The following DPP6 variants were observed in gnomAD, a reference collection of about 807,000 sequenced individuals.
DPP6 encodes dipeptidyl peptidase like 6.
A neutral mutation model predicts 122.6 loss-of-function variants in DPP6; 69 were observed. That is an observed-to-expected ratio of 0.56 (90% CI 0.46 to 0.69). The LOEUF (loss-of-function observed/expected upper bound fraction) is 0.69. Ranked by LOEUF, DPP6 falls within the 30% of genes least tolerant of loss-of-function variation. DPP6 has a pLI of 0.00. For synonymous variants in DPP6, 418 were observed against 433.1 expected, an observed-to-expected ratio of 0.97 and a Z score of 0.43; for missense variants, 928 against 1,116.9, an observed-to-expected ratio of 0.83 and a Z score of 2.41.
At chr7:154,053,696 T>A (rs1259593104) in intron 1 of DPP6, among the ~76,000 whole-genome samples, 1 of 152,146 alleles carries the variant, frequency 6.6e-6, no homozygotes, top group African/African-American at 2.4e-5. Flanking sequence ...AGGGCCCAGC[T>A]CTTTTGCTGA....
At chr7:154,249,551 A>G (rs73727906) in intron 1 of DPP6, among the ~76,000 whole-genome samples, 6,426 of 152,186 alleles carry the variant, frequency 0.042, 430 homozygotes, top group African/African-American at 0.14. Flanking sequence ...TATTTTCTTC[A>G]GCTGTTATAA....
intron 1 of DPP6, among the ~76,000 whole-genome samples, chr7:154,262,198 C>CGATGTG (rs1803071254): frequency 6.6e-6 from 1 of 152,106 alleles, no homozygotes; most frequent in African/African-American, 2.4e-5. Flanking sequence ...TAATTTACTG[C>CGATGTG]GATGTGGATG....
chr7:154,709,596 T>TTA (rs894490436), intron 7 of DPP6, among the ~76,000 whole-genome samples: 2 of 151,548 alleles, frequency 1.3e-5, no homozygotes, highest in Admixed American at 6.6e-5. Flanking sequence ...CTTTTTTTTT[T>TTA]TTTTCAAATA....
intron 8 of DPP6, among the ~76,000 whole-genome samples, chr7:154,749,811 GA>G (rs1843274430): frequency 8.6e-6 from 1 of 116,270 alleles, no homozygotes; most frequent in African/African-American, 3.4e-5. Context: ...GAGAGGGATG[GA>G]GGCTTTACTG....
intron 1 of DPP6, among the ~76,000 whole-genome samples, chr7:154,178,384 A>G (rs1463729473): frequency 2.0e-5 from 3 of 146,592 alleles, no homozygotes; most frequent in Middle Eastern, 3.5e-3. Flanking sequence ...TTTTCCTTCT[A>G]TCTTCAGCCC....
chr7:154,184,545 G>T (rs1334914026), intron 1 of DPP6, among the ~76,000 whole-genome samples: 1 of 152,022 alleles, frequency 6.6e-6, no homozygotes, highest in Non-Finnish European at 1.5e-5. Context: ...GCTGCAAGGG[G>T]CACACACCTC....
the DPP6 span, among the ~76,000 whole-genome samples, chr7:153,760,891 G>A: frequency 6.6e-6 from 1 of 152,160 alleles, no homozygotes; most frequent in South Asian, 2.1e-4. Context: ...GGGGCCCTCA[G>A]CAGATCTCCA....
intron 16 of DPP6, among the ~76,000 whole-genome samples, chr7:154,848,339 C>CT (rs35016203): frequency 6.6e-6 from 1 of 151,212 alleles, no homozygotes; most frequent in Admixed American, 6.6e-5. Context: ...CACTTGTTAG[C>CT]TTTTTTTTCT....
At chr7:154,287,711 G>A (rs1010206923) in intron 1 of DPP6, among the ~76,000 whole-genome samples, 2 of 152,130 alleles carry the variant, frequency 1.3e-5, no homozygotes, top group Admixed American at 6.5e-5. Context: ...ACTCCCTGAT[G>A]GGCCAGCAGA....
intron 1 of DPP6, among the ~76,000 whole-genome samples, chr7:154,012,492 T>C (rs1798195967): frequency 2.0e-5 from 3 of 152,298 alleles, no homozygotes; most frequent in Middle Eastern, 3.4e-3. Context: ...TTAAAAACTT[T>C]TGTGCATCAA....
chr7:154,442,383 A>C (rs1033342033), intron 1 of DPP6, among the ~76,000 whole-genome samples: 3 of 152,202 alleles, frequency 2.0e-5, no homozygotes, highest in East Asian at 3.9e-4. Context: ...GATTGTGTCC[A>C]GGGGGAAAGA....
intron 1 of DPP6, among the ~76,000 whole-genome samples, chr7:154,239,245 G>C (rs912371702): frequency 5.9e-5 from 9 of 152,192 alleles, no homozygotes; most frequent in Admixed American, 5.9e-4. Context: ...AAGAAAAATG[G>C]CAAAACAACT....
the DPP6 span, among the ~76,000 whole-genome samples, chr7:153,849,677 A>G: frequency 2.0e-5 from 3 of 152,172 alleles, no homozygotes; most frequent in African/African-American, 7.2e-5. Context: ...TTTTAAGTAC[A>G]TACAAATTTT....
chr7:154,448,782 A>C, intron 2 of DPP6, among the ~76,000 whole-genome samples: 1 of 152,210 alleles, frequency 6.6e-6, no homozygotes, highest in East Asian at 1.9e-4. Flanking sequence ...ATAGTCAATT[A>C]TTTTTTGACA....
chr7:154,840,387 A>C (rs1465676366), intron 16 of DPP6, among the ~76,000 whole-genome samples: 1 of 152,198 alleles, frequency 6.6e-6, no homozygotes, highest in Non-Finnish European at 1.5e-5. Flanking sequence ...TGAGGAATCC[A>C]CAGGAAGCGG....
intron 1 of DPP6, among the ~76,000 whole-genome samples, chr7:154,335,530 C>T (rs7796637): frequency 0.087 from 13,165 of 152,182 alleles, 1,705 homozygotes; most frequent in African/African-American, 0.28. Flanking sequence ...CAAGTAGTGC[C>T]CCTGGTGGGA....
intron 17 of DPP6, among the ~76,000 whole-genome samples, chr7:154,867,297 GC>G (rs1266926551): frequency 2.0e-5 from 3 of 152,200 alleles, no homozygotes; most frequent in African/African-American, 7.2e-5. Context: ...GGACTTCTTT[GC>G]ATCTGAAGAA....
chr7:153,931,430 T>C (rs891099239), intron 1 of DPP6, among the ~76,000 whole-genome samples: 3 of 152,206 alleles, frequency 2.0e-5, no homozygotes, highest in Admixed American at 1.3e-4. Context: ...CTTACCATGA[T>C]GGTGAATGAG....
intron 1 of DPP6, among the ~76,000 whole-genome samples, chr7:153,964,429 C>T (rs983426407): frequency 6.6e-6 from 1 of 152,042 alleles, no homozygotes; most frequent in Non-Finnish European, 1.5e-5. Context: ...GAGACGCTAC[C>T]GCTTCATGTC....
Sources: gnomAD v4.1 joint callset for allele counts (sites outside exome capture counted in the v4.1 genomes callset) on GRCh38, gnomAD v4.1.1 for gene constraint, MANE v1.5 for transcripts, NCBI Gene and HGNC (gene_info 2026-07-23, HGNC 2026-07-21) for gene names.